The following ZNF396 variants were observed in gnomAD, a reference collection of about 807,000 sequenced individuals.
ZNF396 encodes zinc finger and SCAN domain-containing protein 14.
In ZNF396, 14 loss-of-function variants were observed where a neutral mutation model predicts 20.5. The ratio of observed to expected loss-of-function variants is 0.68; its 90% CI spans 0.45 to 1.07. ZNF396 has a LOEUF of 1.07. ZNF396 is among the 50% of genes least tolerant of loss of function. ZNF396 has a pLI of 0.00. For missense variants in ZNF396, 347 were observed against 390.1 expected (o/e 0.89, Z 0.93); for synonymous variants, 119 against 140.6 (o/e 0.85, Z 1.08).
chr18:35,374,640 G>T lies in ZNF396; in HGVS notation c.-72-276C>A. ...GCGTCCTAAGTAGCTGGGACTACAG[G>T]TACCCGCCACCACGCCTGGCTAATT... On this transcript the variant is annotated intron_variant, in intron 1 of 3. Coordinates refer to ENST00000589332, the MANE Select transcript of ZNF396 (RefSeq NM_001322286.2). This position sits in a 1 kb window ranked among gnomAD's most constrained non-coding sequence, Gnocchi z 4.3. The T allele has an allele frequency of 5.9e-6, 1 of 170,278 alleles. No homozygotes were observed. The highest frequency in any genetic ancestry group is 1.3e-5 in the Non-Finnish European group (1 of 77,816). The allele number at this position is 170,278 out of a possible 1,614,324, so 10.5% of individuals were successfully genotyped here. A position where few individuals can be genotyped will look rare whatever the true frequency, so the allele number is the denominator to read the frequency against.
intron 3 of ZNF396, 120 bp downstream of exon 3, chr18:35,373,336 C>T: frequency 3.3e-6 from 4 of 1,200,820 alleles, no homozygotes; most frequent in Non-Finnish European, 4.4e-6. Flanking sequence ...CAGAAGTTCC[C>T]ACAGTAAGGA....
chr18:35,375,674 G>A (rs1350297920), intron 1 of ZNF396, among the ~76,000 whole-genome samples: 1 of 151,898 alleles, frequency 6.6e-6, no homozygotes, highest in South Asian at 2.1e-4. Flanking sequence ...AGTTGGGGGG[G>A]GACGGCACTT....
At position 35,374,042 on chromosome 18, in the gene ZNF396, TC is replaced by T. The variant is rs750197293; in HGVS notation, c.250del (p.Glu84LysfsTer41). On this transcript the variant is annotated frameshift_variant, in exon 2 of 4. Transcript: ENST00000589332. LOFTEE classifies it high-confidence loss of function. The surrounding 1 kb of genome is among the most constrained non-coding windows in gnomAD (Gnocchi z 4.3). ...WELCHLWLRP[E>X]VHTKEQILEL... The stretch of plus-strand genomic sequence containing the variant: ...CAGGATCTGCTCCTTGGTGTGCACT[TC>T]CGGCCTCAGCCAGAGATGACAAAGT... The T allele has an allele frequency of 3.6e-5, 58 of 1,614,206 alleles. 1 individual carries two copies. The East Asian group carries it at 1.1e-3, about 30-fold the overall frequency.
In ZNF396 at chr18:35,369,210, G is replaced by C; in HGVS notation, c.*5C>G. On this transcript the variant is annotated 3_prime_UTR_variant, in exon 4 of 4. Transcript: ENST00000589332. ...TGAGTAAATGCTTTGATTCCCTCAT[G>C]ATACTTATGGGACTTTTTTTCTAAT... 6.5e-7 allele frequency: 1 copy of C among 1,548,588 alleles called. No individual in the cohort carries two copies. Among genetic ancestry groups the C allele is most frequent in the Non-Finnish European group, 8.7e-7 (1 of 1,148,330 alleles).
At chr18:35,370,764 C>T (rs1030574473) in intron 3 of ZNF396, among the ~76,000 whole-genome samples, 23 of 151,916 alleles carry the variant, frequency 1.5e-4, no homozygotes, top group African/African-American at 5.6e-4. Context: ...CCGCCCGCCT[C>T]GGCCTCCCAA....
rs35532616 is a variant in ZNF396, at chr18:35,370,504, A to ATTTTTT, written c.563-850_563-845dup. On this transcript the variant is annotated intron_variant, in intron 3 of 3. Transcript: ENST00000589332. Reference sequence around the variant, plus strand: ...TCACTTCAGTTATCCTCATGGTGGCATTTTTTTTTTTTTTTTTTTTTTTTT... The same window carrying ATTTTTT: ...TCACTTCAGTTATCCTCATGGTGGCATTTTTTTTTTTTTTTTTTTTTTTTTTTTTTT... 1.3e-4 allele frequency among the ~76,000 whole-genome samples: 11 copies of ATTTTTT among 81,760 alleles called. 2 individuals carry two copies. Among genetic ancestry groups the ATTTTTT allele is most frequent in the South Asian group, 5.3e-4 (1 of 1,900 alleles). The allele number at this position is 81,760 out of a possible 152,430, so 53.6% of individuals were successfully genotyped here.
chr18:35,374,375 A>T lies in ZNF396; in HGVS notation c.-72-11T>A. On this transcript the variant is annotated splice_polypyrimidine_tract_variant and intron_variant, in intron 1 of 3. Coordinates refer to ENST00000589332, the MANE Select transcript of ZNF396 (RefSeq NM_001322286.2). This position sits in a 1 kb window ranked among gnomAD's most constrained non-coding sequence, Gnocchi z 4.3. ...TCCTGATGGACACTCCTTAAATATGATTAAAGAAACAAGTGGAAAGAAGAC... is the reference window on the plus strand; with the variant it reads ...TCCTGATGGACACTCCTTAAATATGTTTAAAGAAACAAGTGGAAAGAAGAC... The T allele has an allele frequency of 7.5e-7, 1 of 1,339,010 alleles. No individual in the cohort carries two copies. Among genetic ancestry groups the T allele is most frequent in the Non-Finnish European group, 1.0e-6 (1 of 984,054 alleles). The allele number at this position is 1,339,010 out of a possible 1,614,324, so 82.9% of individuals were successfully genotyped here. A position where few individuals can be genotyped will look rare whatever the true frequency, so the allele number is the denominator to read the frequency against.
chr18:35,368,197 C>G lies in ZNF396; in HGVS notation c.*1018G>C, dbSNP rs887776747. ...TTATGAAAACATTCCTTATGTTTAG[C>G]TGACTCCTTGTAGACAAGCAGTCAT... On this transcript the variant is annotated 3_prime_UTR_variant, in exon 4 of 4. Coordinates refer to ENST00000589332, the MANE Select transcript of ZNF396 (RefSeq NM_001322286.2). 3.3e-5 allele frequency: 12 copies of G among 368,588 alleles called. 1 individual carries two copies. Among genetic ancestry groups the G allele is most frequent in the Non-Finnish European group, 6.0e-5 (12 of 200,502 alleles). 22.8% of individuals were successfully genotyped at this position (368,588 alleles called of 1,614,324 possible).
In ZNF396 at chr18:35,366,919, A is replaced by G. The variant is rs2045105736; in HGVS notation, c.*2296T>C. The G allele has an allele frequency of 6.6e-6, 1 of 152,214 alleles. No individual in the cohort carries two copies. Among genetic ancestry groups the G allele is most frequent in the South Asian group, 2.1e-4 (1 of 4,834 alleles). The allele number at this position is 152,214 out of a possible 1,614,324, so 9.4% of individuals were successfully genotyped here. ...ATGATTCATACCACTTTCCTGTGGA[A>G]ACACTCAAATTATTCACAATAAATA... On this transcript the variant is annotated 3_prime_UTR_variant, in exon 4 of 4. Coordinates refer to ENST00000589332, the MANE Select transcript of ZNF396 (RefSeq NM_001322286.2).
In ZNF396 at chr18:35,374,371, T is replaced by C; in HGVS notation, c.-72-7A>G. 7.3e-7 allele frequency: 1 copy of C among 1,369,108 alleles called. No individual in the cohort carries two copies. The highest frequency in any genetic ancestry group is 9.9e-7 in the Non-Finnish European group (1 of 1,008,058). The allele number at this position is 1,369,108 out of a possible 1,614,324, so 84.8% of individuals were successfully genotyped here. A position where few individuals can be genotyped will look rare whatever the true frequency, so the allele number is the denominator to read the frequency against. On this transcript the variant is annotated splice_region_variant and splice_polypyrimidine_tract_variant and intron_variant, in intron 1 of 3. Transcript: ENST00000589332. The surrounding 1 kb of genome is among the most constrained non-coding windows in gnomAD (Gnocchi z 4.3). ...GCTGTCCTGATGGACACTCCTTAAA[T>C]ATGATTAAAGAAACAAGTGGAAAGA...
Position 35,374,483 on chromosome 18 carries a change from G to T in ZNF396, c.-72-119C>A, listed in dbSNP as rs912285372. 3.8e-6 allele frequency: 2 copies of T among 520,936 alleles called. No homozygotes were observed. The highest frequency in any genetic ancestry group is 3.8e-5 in the African/African-American group (2 of 52,628). 32.3% of individuals were successfully genotyped at this position (520,936 alleles called of 1,614,324 possible). ...GGAACTACTGACCTTAGTCTTAACA[G>T]AAACCATGCTTTTATTTATTTATTT... On this transcript the variant is annotated intron_variant, in intron 1 of 3. Transcript: ENST00000589332. This position sits in a 1 kb window ranked among gnomAD's most constrained non-coding sequence, Gnocchi z 4.3.
chr18:35,374,552 A>G lies in ZNF396; in HGVS notation c.-72-188T>C. 1 of 285,954 alleles carries G rather than the reference A, an allele frequency of 3.5e-6. No homozygotes were observed. Among genetic ancestry groups the G allele is most frequent in the Non-Finnish European group, 6.8e-6 (1 of 147,646 alleles). The allele number at this position is 285,954 out of a possible 1,614,324, so 17.7% of individuals were successfully genotyped here. On this transcript the variant is annotated intron_variant, in intron 1 of 3. Coordinates refer to ENST00000589332, the MANE Select transcript of ZNF396 (RefSeq NM_001322286.2). The surrounding 1 kb of genome is among the most constrained non-coding windows in gnomAD (Gnocchi z 4.3). ...TGCTCTGTTGCCCAGGCTGGAGTGC[A>G]ATGGTGTGATCTCGGCTCACTGCAA...
At position 35,370,629 on chromosome 18, in the gene ZNF396, C is replaced by T. The variant is rs1354139162; in HGVS notation, c.563-969G>A. Among the ~76,000 whole-genome samples the T allele has an allele frequency of 2.0e-5, 3 of 148,622 alleles. No individual in the cohort carries two copies. The East Asian group carries it at 5.9e-4, about 29-fold the overall frequency. ...CCGGGTTCACGCCATTCTCCTGCCT[C>T]AGTCTCCCAAGTAGCTGGGACTACA... is the stretch of plus-strand genomic sequence containing the variant. On this transcript the variant is annotated intron_variant, in intron 3 of 3. Coordinates refer to ENST00000589332, the MANE Select transcript of ZNF396 (RefSeq NM_001322286.2).
At chr18:35,369,748 A>C in intron 3 of ZNF396, 88 bp from the exon 4 acceptor site, 1 of 1,323,742 alleles carries the variant, frequency 7.6e-7, no homozygotes, top group South Asian at 1.5e-5. Flanking sequence ...TTTATAAAAC[A>C]ACACACAATG....
In ZNF396 at chr18:35,368,398, A is replaced by C. The variant is rs752758418; in HGVS notation, c.*817T>G. 2.1e-6 allele frequency: 3 copies of C among 1,460,482 alleles called. No individual in the cohort carries two copies. Among genetic ancestry groups the C allele is most frequent in the Middle Eastern group, 1.8e-4 (1 of 5,572 alleles). The allele number at this position is 1,460,482 out of a possible 1,614,324, so 90.5% of individuals were successfully genotyped here. On this transcript the variant is annotated 3_prime_UTR_variant, in exon 4 of 4. Transcript: ENST00000589332. ...CTGGGGCACTTCAGCCTAGTCTTGA[A>C]GTACATATTCTTTTGGGCCTCTGCA...
chr18:35,374,789 GC>G lies in ZNF396; in HGVS notation c.-72-426del, dbSNP rs1327168332. The G allele has an allele frequency of 6.4e-6, 1 of 155,292 alleles. No homozygotes were observed. The allele number at this position is 155,292 out of a possible 1,614,324, so 9.6% of individuals were successfully genotyped here. A position where few individuals can be genotyped will look rare whatever the true frequency, so the allele number is the denominator to read the frequency against. ...TGGGATTACAGGCTTGAGCCACCAC[GC>G]CAGGCCCAGAAACCATGCTTTTGAA... On this transcript the variant is annotated intron_variant, in intron 1 of 3. Coordinates refer to ENST00000589332, the MANE Select transcript of ZNF396 (RefSeq NM_001322286.2). This position sits in a 1 kb window ranked among gnomAD's most constrained non-coding sequence, Gnocchi z 4.3.
Position 35,369,218 on chromosome 18 carries a change from T to C in ZNF396, c.1005A>G (p.Pro335=), listed in dbSNP as rs201788653. ...HRKRHIRKKV[P] Reference sequence around the variant, plus strand: ...TGCTTTGATTCCCTCATGATACTTATGGGACTTTTTTTCTAATGTGTCTTT... The same window carrying C: ...TGCTTTGATTCCCTCATGATACTTACGGGACTTTTTTTCTAATGTGTCTTT... The change falls in exon 4 of 4, where the codon CCA becomes CCG. Residue 335 remains proline (P), a synonymous_variant. Coordinates refer to ENST00000589332, the MANE Select transcript of ZNF396 (RefSeq NM_001322286.2). The C allele has an allele frequency of 4.9e-5, 77 of 1,566,946 alleles. No individual in the cohort carries two copies. Among genetic ancestry groups the C allele is most frequent in the East Asian group, 2.0e-4 (9 of 44,082 alleles).
At chr18:35,376,925 T>C (rs1427616302) in intron 1 of ZNF396, among the ~76,000 whole-genome samples, 1 of 152,016 alleles carries the variant, frequency 6.6e-6, no homozygotes, top group African/African-American at 2.4e-5. Context: ...GGGCCGGCTC[T>C]GGGAGGGCTG....
At chr18:35,370,504 A>ATTTTTTTTTT (rs35532616) in intron 3 of ZNF396, among the ~76,000 whole-genome samples, 1 of 81,760 alleles carries the variant, frequency 1.2e-5, no homozygotes. Flanking sequence ...TCATGGTGGC[A>ATTTTTTTTTT]TTTTTTTTTT....
Sources: gnomAD v4.1 joint callset for allele counts (sites outside exome capture counted in the v4.1 genomes callset) on GRCh38, gnomAD v4.1.1 for gene constraint, Gnocchi (gnomAD v3.1) non-coding constraint, MANE v1.5 for transcripts, NCBI Gene and HGNC (gene_info 2026-07-23, HGNC 2026-07-21) for gene names.